Variants in TEAD1 observed in about 807,000 individuals in gnomAD.
TEAD1 encodes TEA domain transcription factor 1.
A neutral mutation model predicts 54.9 loss-of-function variants in TEAD1; 9 were observed. The ratio of observed to expected loss-of-function variants is 0.16; its 90% CI spans 0.10 to 0.29. The LOEUF is 0.29. Among genes scored for constraint, TEAD1 ranks in the 10% least tolerant of loss-of-function variants. TEAD1 has a pLI of 1.00. For synonymous variants in TEAD1, 200 were observed against 187.8 expected (o/e 1.07, Z -0.53); for missense variants, 387 against 535.9 (o/e 0.72, Z 2.74).
chr11:12,819,822 T>A (rs954626688), intron 3 of TEAD1, among the ~76,000 whole-genome samples: 1 of 152,214 alleles, frequency 6.6e-6, no homozygotes, highest in African/African-American at 2.4e-5. Context: ...CAGTAATGCA[T>A]TTAAAAGATG....
At chr11:12,747,821 T>G (rs184698297) in intron 2 of TEAD1, among the ~76,000 whole-genome samples, 1 of 152,362 alleles carries the variant, frequency 6.6e-6, no homozygotes, top group African/African-American at 2.4e-5. Context: ...ATGTTCCAGT[T>G]TTCATGAAAA....
intron 2 of TEAD1, among the ~76,000 whole-genome samples, chr11:12,715,318 C>T (rs890673369): frequency 1.3e-5 from 2 of 152,116 alleles, no homozygotes; most frequent in African/African-American, 4.8e-5. Flanking sequence ...GAACAGGCAT[C>T]AGGGACAGGA....
chr11:12,692,593 C>T (rs1190668519), intron 2 of TEAD1, among the ~76,000 whole-genome samples: 2 of 151,762 alleles, frequency 1.3e-5, no homozygotes, highest in Non-Finnish European at 2.9e-5. Context: ...GGGTTTATTT[C>T]CCCCCCGCCC....
At chr11:12,754,767 C>G (rs898928598) in intron 2 of TEAD1, among the ~76,000 whole-genome samples, 1 of 152,148 alleles carries the variant, frequency 6.6e-6, no homozygotes, top group African/African-American at 2.4e-5. Flanking sequence ...AAAATGCCAT[C>G]CTGATTCAGG....
At chr11:12,692,158 G>C (rs986277107) in intron 2 of TEAD1, among the ~76,000 whole-genome samples, 3 of 152,056 alleles carry the variant, frequency 2.0e-5, no homozygotes, top group Non-Finnish European at 1.5e-5. Context: ...TATAATTTCT[G>C]TCTTTGCTTC....
At chr11:12,801,751 A>G (rs1197900754) in intron 3 of TEAD1, among the ~76,000 whole-genome samples, 1 of 152,214 alleles carries the variant, frequency 6.6e-6, no homozygotes, top group African/African-American at 2.4e-5. Flanking sequence ...CAAACCAAGA[A>G]TTGTATGGTT....
Position 12,877,834 on chromosome 11 carries a change from G to C in TEAD1, c.331-1874G>C, listed in dbSNP as rs1026551269. On this transcript the variant is annotated intron_variant, in intron 5 of 12. Transcript: ENST00000527636. ...TTTTCTGATGGAGTCTTGCTCTACTGCCCAGGCTTGAGTGCAGTGGCTTGA... is the reference window on the plus strand; with the variant it reads ...TTTTCTGATGGAGTCTTGCTCTACTCCCCAGGCTTGAGTGCAGTGGCTTGA... Among the ~76,000 whole-genome samples the C allele has an allele frequency of 5.8e-5, 7 of 120,842 alleles. No individual in the cohort carries two copies. The Admixed American group carries it at 8.0e-4, about 14-fold the overall frequency. The allele number at this position is 120,842 out of a possible 152,430, so 79.3% of individuals were successfully genotyped here.
intron 5 of TEAD1, among the ~76,000 whole-genome samples, chr11:12,867,217 G>C (rs1462561529): frequency 6.6e-6 from 1 of 152,194 alleles, no homozygotes; most frequent in African/African-American, 2.4e-5. Flanking sequence ...ATTTTATCTA[G>C]TGAAGGTGGG....
intron 2 of TEAD1, among the ~76,000 whole-genome samples, chr11:12,702,184 G>T (rs565625780): frequency 1.2e-4 from 19 of 152,318 alleles, no homozygotes; most frequent in African/African-American, 4.3e-4. Flanking sequence ...CCTTGAACCA[G>T]ATCCTCTCTG....
chr11:12,918,139 T>A (rs952688109), intron 10 of TEAD1, among the ~76,000 whole-genome samples: 1 of 152,054 alleles, frequency 6.6e-6, no homozygotes, highest in Non-Finnish European at 1.5e-5. Context: ...TGATTTTCAG[T>A]TGGGAGGGGG....
At chr11:12,823,682 G>A (rs138339221) in intron 3 of TEAD1, 1 of 152,342 alleles carries the variant, frequency 6.6e-6, no homozygotes, top group African/African-American at 2.4e-5. Flanking sequence ...AAGGTGCAAA[G>A]CTGGGATATG....
At chr11:12,724,574 T>G (rs1944278356) in intron 2 of TEAD1, among the ~76,000 whole-genome samples, 1 of 152,252 alleles carries the variant, frequency 6.6e-6, no homozygotes, top group African/African-American at 2.4e-5. Context: ...AATCATAAAA[T>G]GCGCGTGCAC....
At chr11:12,903,357 C>T (rs1250101222) in intron 10 of TEAD1, among the ~76,000 whole-genome samples, 2 of 152,152 alleles carry the variant, frequency 1.3e-5, no homozygotes, top group African/African-American at 2.4e-5. Flanking sequence ...AAGCAAGAAC[C>T]TTACACAACA....
intron 2 of TEAD1, among the ~76,000 whole-genome samples, chr11:12,736,180 G>A (rs1014145065): frequency 6.6e-6 from 1 of 152,176 alleles, no homozygotes; most frequent in Admixed American, 6.6e-5. Context: ...ATAATGTCCT[G>A]AAATTCCAAA....
chr11:12,845,292 T>A (rs1947123157), intron 3 of TEAD1, among the ~76,000 whole-genome samples: 1 of 152,146 alleles, frequency 6.6e-6, no homozygotes, highest in Non-Finnish European at 1.5e-5. Context: ...GTGGTGTCCT[T>A]ATTTTCTCCA....
intron 3 of TEAD1, among the ~76,000 whole-genome samples, chr11:12,844,302 A>T (rs530907546): frequency 6.6e-6 from 1 of 152,300 alleles, no homozygotes; most frequent in Admixed American, 6.5e-5. Context: ...CCTCTTAAGA[A>T]CTAAGAGTCC....
At chr11:12,859,382 C>T (rs1001080512) in intron 3 of TEAD1, among the ~76,000 whole-genome samples, 12 of 151,014 alleles carry the variant, frequency 7.9e-5, no homozygotes, top group Admixed American at 3.3e-4. Flanking sequence ...GGATCTATTT[C>T]GCCTTGGCCG....
At chr11:12,682,591 G>A (rs532019886) in intron 2 of TEAD1, among the ~76,000 whole-genome samples, 2 of 152,296 alleles carry the variant, frequency 1.3e-5, no homozygotes, top group Admixed American at 6.5e-5. Flanking sequence ...CCACCCTGTT[G>A]TTCATTTTTT....
intron 3 of TEAD1, among the ~76,000 whole-genome samples, chr11:12,792,935 A>T (rs890687049): frequency 6.6e-6 from 1 of 152,162 alleles, no homozygotes; most frequent in African/African-American, 2.4e-5. Context: ...TCATGACTGT[A>T]GTCAGCTACT....
Sources: allele counts gnomAD v4.1 joint callset (sites outside exome capture counted in the v4.1 genomes callset), GRCh38; gene constraint gnomAD v4.1.1; transcripts MANE v1.5; gene names NCBI Gene and HGNC (gene_info 2026-07-23, HGNC 2026-07-21).